The following ATP11C variants were observed in gnomAD, a reference collection of about 807,000 sequenced individuals.
ATP11C encodes the protein phospholipid-transporting ATPase IG.
A neutral mutation model predicts 97.4 loss-of-function variants in ATP11C; 36 were observed. The observed-to-expected ratio is 0.37, with a 90% CI of 0.28 to 0.49. The LOEUF is 0.49. Among genes scored for constraint, ATP11C ranks in the 20% least tolerant of loss-of-function variants. The probability of loss-of-function intolerance (pLI) is 0.98; values close to 1 mark genes in which losing one functional copy is unlikely to be tolerated. For synonymous variants in ATP11C, 275 were observed against 290.9 expected (o/e 0.95, Z 0.56); for missense variants, 730 against 824.6 (o/e 0.89, Z 1.40).
intron 2 of ATP11C, among the ~76,000 whole-genome samples, chrX:139,821,997 T>C (rs1328559778): frequency 1.8e-5 from 2 of 112,120 alleles, no homozygotes; most frequent in African/African-American, 3.2e-5. Context: ...GTTATTCAAA[T>C]TAACTTGTTT....
rs910093883 is a variant in ATP11C, at chrX:139,815,054, T to A, written c.319-69A>T. 8 of 612,127 alleles carry A rather than the reference T, an allele frequency of 1.3e-5. No individual in the cohort carries two copies. The African/African-American group carries it at 1.9e-4, about 14-fold the overall frequency. The allele number at this position is 612,127 out of a possible 1,213,427, so 50.4% of individuals were successfully genotyped here. ...ATAAAGCTGTTAATAAATTTCTATATCCTCCCATGAGTCAACACCAAATAT... is the reference window on the plus strand; with the variant it reads ...ATAAAGCTGTTAATAAATTTCTATAACCTCCCATGAGTCAACACCAAATAT... On this transcript the variant is annotated intron_variant, in intron 4 of 29. Coordinates refer to ENST00000682941, the MANE Select transcript of ATP11C (RefSeq NM_001353812.2).
chrX:139,830,079 C>T (rs1274933907), intron 1 of ATP11C, among the ~76,000 whole-genome samples: 2 of 111,923 alleles, frequency 1.8e-5, no homozygotes, highest in African/African-American at 6.5e-5. Context: ...TAAAAGCTGG[C>T]AAAAGGATCT....
At chrX:139,874,239 T>TTC (rs2084429776) in intron 1 of ATP11C, among the ~76,000 whole-genome samples, 1 of 100,752 alleles carries the variant, frequency 9.9e-6, no homozygotes. Flanking sequence ...TTTGTATTTT[T>TTC]AGCAGAGACA....
intron 1 of ATP11C, among the ~76,000 whole-genome samples, chrX:139,896,619 GTCTCTCTCTC>G (rs202000678): frequency 0.042 from 3,833 of 90,859 alleles, 251 homozygotes; most frequent in African/African-American, 0.15. Context: ...TTGAGAAAGA[GTCTCTCTCTC>G]TCTCTCTCTC....
At chrX:139,770,927 G>T (rs2082241890) in intron 19 of ATP11C, among the ~76,000 whole-genome samples, 3 of 111,905 alleles carry the variant, frequency 2.7e-5, no homozygotes, top group South Asian at 3.8e-4. Flanking sequence ...TTTAGAGGGT[G>T]AGGCCCTCAT....
chrX:139,773,581 T>C (rs922157654), intron 19 of ATP11C, among the ~76,000 whole-genome samples: 2 of 112,416 alleles, frequency 1.8e-5, no homozygotes, highest in African/African-American at 6.5e-5. Context: ...AAAATGCACA[T>C]ACTTTGGACT....
intron 1 of ATP11C, among the ~76,000 whole-genome samples, chrX:139,840,128 A>G (rs2083805777): frequency 8.9e-6 from 1 of 112,125 alleles, no homozygotes; most frequent in Non-Finnish European, 1.9e-5. Flanking sequence ...AGTTTCTCAA[A>G]AAGCCGAAAC....
chrX:139,733,935 T>TA (rs961487332), intron 28 of ATP11C, among the ~76,000 whole-genome samples: 4 of 110,897 alleles, frequency 3.6e-5, no homozygotes, highest in Admixed American at 9.6e-5. Flanking sequence ...ACTAAAGCAA[T>TA]AAAAAAATTG....
At position 139,750,171 on chromosome X, in the gene ATP11C, G is replaced by C; in HGVS notation, c.2701-19C>G. 2.6e-6 allele frequency: 3 copies of C among 1,153,683 alleles called. No individual in the cohort carries two copies. Among genetic ancestry groups the C allele is most frequent in the Non-Finnish European group, 3.5e-6 (3 of 856,225 alleles). On this transcript the variant is annotated intron_variant, in intron 23 of 29. Coordinates refer to ENST00000682941, the MANE Select transcript of ATP11C (RefSeq NM_001353812.2). ...ACAGTGGCTAAAATGAAAAACAACAGAGGAAAGAAAGAAATTTCATGTAAC... is the reference window on the plus strand; with the variant it reads ...ACAGTGGCTAAAATGAAAAACAACACAGGAAAGAAAGAAATTTCATGTAAC...
rs755404690 is a variant in ATP11C at position 139,819,077 on chromosome X, G to A, written c.237+261C>T. ...TACACAATACACGTCATCCTGGGAT[G>A]AGCAAAAATATGATATCCATGAAAA... On this transcript the variant is annotated intron_variant, in intron 3 of 29. Transcript: ENST00000682941. Among the ~76,000 whole-genome samples, 3 of 111,769 alleles carry A rather than the reference G, an allele frequency of 2.7e-5. No individual in the cohort carries two copies. The East Asian group carries it at 8.4e-4, about 31-fold the overall frequency.
intron 19 of ATP11C, among the ~76,000 whole-genome samples, chrX:139,773,047 G>A (rs1384547237): frequency 9.0e-6 from 1 of 110,851 alleles, no homozygotes; most frequent in Non-Finnish European, 1.9e-5. Context: ...TGTTGTGGGA[G>A]GGACCCAGGG....
chrX:139,800,015 C>T, intron 8 of ATP11C, 45 bp downstream of exon 8: 9 of 193,757 alleles, frequency 4.6e-5, no homozygotes, highest in East Asian at 1.9e-4. Flanking sequence ...AAAAATAGAC[C>T]CCCCCCCCCA....
chrX:139,907,671 C>T (rs751084609), intron 1 of ATP11C, among the ~76,000 whole-genome samples: 1 of 109,716 alleles, frequency 9.1e-6, no homozygotes, highest in South Asian at 4.1e-4. Context: ...TCGCTTGAAC[C>T]CAGGAGGCGG....
intron 10 of ATP11C, among the ~76,000 whole-genome samples, chrX:139,797,943 A>G (rs1787200008): frequency 8.9e-6 from 1 of 111,864 alleles, no homozygotes; most frequent in Admixed American, 9.5e-5. Context: ...CATTAACTCC[A>G]CTAGCAAAAA....
chrX:139,810,870 T>G (rs2083156923), intron 5 of ATP11C, among the ~76,000 whole-genome samples: 1 of 109,626 alleles, frequency 9.1e-6, no homozygotes, highest in Non-Finnish European at 1.9e-5. Flanking sequence ...ATTCAGAGTT[T>G]TTTTTTTTTT....
chrX:139,810,785 T>C (rs1191096491), intron 5 of ATP11C, among the ~76,000 whole-genome samples: 7 of 111,039 alleles, frequency 6.3e-5, no homozygotes, highest in Non-Finnish European at 1.3e-4. Context: ...GTTTTCACAC[T>C]CTGCCTCTCT....
chrX:139,802,088 A>T, intron 7 of ATP11C, 148 bp downstream of exon 7: 1 of 469,520 alleles, frequency 2.1e-6, no homozygotes, highest in Non-Finnish European at 3.8e-6. Flanking sequence ...GGCTGATTTG[A>T]TTCATTTTTC....
intron 1 of ATP11C, chrX:139,885,455 G>T (rs1412574277): frequency 3.6e-5 from 4 of 111,254 alleles, no homozygotes; most frequent in Non-Finnish European, 1.9e-5. Flanking sequence ...AAGACCAAAC[G>T]AAGAGGAACC....
At chrX:139,780,180 T>G (rs747009921) in intron 18 of ATP11C, among the ~76,000 whole-genome samples, 1 of 111,099 alleles carries the variant, frequency 9.0e-6, no homozygotes, top group East Asian at 2.8e-4. Flanking sequence ...TGAGGTGAGA[T>G]TCCTCCATAA....
Sources: allele counts gnomAD v4.1 joint callset (sites outside exome capture counted in the v4.1 genomes callset), GRCh38; gene constraint gnomAD v4.1.1; transcripts MANE v1.5; gene names NCBI Gene and HGNC (gene_info 2026-07-23, HGNC 2026-07-21).